Variants in GRID1 observed in about 807,000 individuals in gnomAD.
GRID1 encodes the protein glutamate ionotropic receptor delta type subunit 1, also known as glutamate receptor ionotropic, delta-1.
A neutral mutation model predicts 98.0 loss-of-function variants in GRID1; 28 were observed. The ratio of observed to expected loss-of-function variants is 0.29; its 90% CI spans 0.21 to 0.39. The LOEUF (loss-of-function observed/expected upper bound fraction) is 0.39, where lower values mean the gene tolerates loss of function less well. Among genes scored for constraint, GRID1 ranks in the 10% least tolerant of loss-of-function variants. GRID1 has a pLI of 1.00. For missense variants in GRID1, 1,111 were observed against 1,340.5 expected (o/e 0.83, Z 2.67); for synonymous variants, 553 against 538.5 (o/e 1.03, Z -0.37).
chr10:86,232,215 T>C (rs1846466673), intron 2 of GRID1, among the ~76,000 whole-genome samples: 1 of 152,150 alleles, frequency 6.6e-6, no homozygotes, highest in South Asian at 2.1e-4. Flanking sequence ...CCCAGGGGAA[T>C]AACGCAGCCG....
intron 3 of GRID1, among the ~76,000 whole-genome samples, chr10:86,172,562 C>T (rs999194540): frequency 6.6e-6 from 1 of 152,170 alleles, no homozygotes; most frequent in Non-Finnish European, 1.5e-5. Context: ...TGGTATGAAT[C>T]ATTTTCTAGC....
chr10:85,673,621 T>A (rs1252188890), intron 12 of GRID1, among the ~76,000 whole-genome samples: 1 of 152,220 alleles, frequency 6.6e-6, no homozygotes, highest in African/African-American at 2.4e-5. Flanking sequence ...AGGTGGGGGT[T>A]AGTACTTTTG....
chr10:86,337,881 T>C (rs1461558942), intron 2 of GRID1, among the ~76,000 whole-genome samples: 1 of 151,762 alleles, frequency 6.6e-6, no homozygotes, highest in Non-Finnish European at 1.5e-5. Flanking sequence ...CTAATTTTTG[T>C]ATTATTAGTA....
intron 12 of GRID1, among the ~76,000 whole-genome samples, chr10:85,713,130 C>T (rs1339643323): frequency 6.6e-6 from 1 of 151,154 alleles, no homozygotes; most frequent in East Asian, 1.9e-4. Flanking sequence ...CTAAGATTGG[C>T]TTTTTTGGAA....
intron 8 of GRID1, among the ~76,000 whole-genome samples, chr10:85,759,384 C>T (rs1243255066): frequency 6.6e-6 from 1 of 152,204 alleles, no homozygotes; most frequent in Admixed American, 6.5e-5. Flanking sequence ...TGCAGCTGCT[C>T]TTGGGAAAAG....
chr10:86,251,111 A>G (rs182385724), intron 2 of GRID1, among the ~76,000 whole-genome samples: 230 of 152,264 alleles, frequency 1.5e-3, no homozygotes, highest in African/African-American at 4.8e-3. Flanking sequence ...GGGCGGTGCA[A>G]GTTGTGCTTT....
chr10:85,607,609 A>C (rs2616673), intron 15 of GRID1, among the ~76,000 whole-genome samples: 134,745 of 152,038 alleles, frequency 0.89, 59,999 homozygotes, highest in African/African-American at 0.97. Context: ...TCAGTTCAAT[A>C]GCAGATGTTT....
intron 2 of GRID1, among the ~76,000 whole-genome samples, chr10:86,250,573 G>A (rs912237124): frequency 2.7e-4 from 41 of 152,094 alleles, no homozygotes; most frequent in Non-Finnish European, 3.7e-4. Context: ...GGCAGCCCCC[G>A]CCCGGCCAGC....
intron 2 of GRID1, among the ~76,000 whole-genome samples, chr10:86,305,775 T>C (rs933212992): frequency 3.3e-5 from 5 of 152,168 alleles, no homozygotes; most frequent in African/African-American, 1.2e-4. Flanking sequence ...CCTCTGGCCC[T>C]CTGGGGAGAA....
intron 2 of GRID1, among the ~76,000 whole-genome samples, chr10:86,349,940 G>A (rs927740530): frequency 3.9e-5 from 6 of 152,316 alleles, no homozygotes; most frequent in East Asian, 1.9e-4. Flanking sequence ...CGACGAGGAC[G>A]CCTACAAAGA....
At chr10:86,152,525 C>T (rs1475555633) in intron 3 of GRID1, among the ~76,000 whole-genome samples, 2 of 152,256 alleles carry the variant, frequency 1.3e-5, no homozygotes, top group African/African-American at 2.4e-5. Context: ...TGCTGCCTAG[C>T]TCTCAGGGAG....
chr10:86,080,207 AC>A (rs1330347199), intron 4 of GRID1, among the ~76,000 whole-genome samples: 1 of 151,386 alleles, frequency 6.6e-6, no homozygotes, highest in African/African-American at 2.4e-5. Context: ...GGTGGCACAC[AC>A]CTGTAATCCC....
intron 8 of GRID1, among the ~76,000 whole-genome samples, chr10:85,845,221 G>C (rs1440800625): frequency 1.3e-5 from 2 of 151,966 alleles, no homozygotes; most frequent in East Asian, 3.9e-4. Flanking sequence ...AATACAGTTA[G>C]TTCACTAGAA....
At chr10:85,660,616 C>T (rs998359559) in intron 12 of GRID1, among the ~76,000 whole-genome samples, 4 of 151,894 alleles carry the variant, frequency 2.6e-5, no homozygotes, top group African/African-American at 9.7e-5. Context: ...GGATCATGAG[C>T]AGAGCTGATC....
At chr10:85,895,016 A>AAAAATATATATAT (rs766551035) in intron 5 of GRID1, among the ~76,000 whole-genome samples, 6 of 97,106 alleles carry the variant, frequency 6.2e-5, no homozygotes, top group Admixed American at 1.1e-4. Flanking sequence ...AAAAAAAAAA[A>AAAAATATATATAT]ATATATATAT....
At chr10:85,906,228 C>T (rs942890974) in intron 5 of GRID1, among the ~76,000 whole-genome samples, 3 of 152,050 alleles carry the variant, frequency 2.0e-5, no homozygotes, top group Non-Finnish European at 4.4e-5. Context: ...ATTTATGCCC[C>T]TTGAAATAAA....
chr10:85,961,083 T>A (rs768358762), intron 4 of GRID1, among the ~76,000 whole-genome samples: 1 of 152,024 alleles, frequency 6.6e-6, no homozygotes, highest in Non-Finnish European at 1.5e-5. Context: ...CCCTGCCTTG[T>A]TGAATGGCAG....
intron 2 of GRID1, among the ~76,000 whole-genome samples, chr10:86,226,748 C>G (rs1002185605): frequency 2.7e-5 from 4 of 150,296 alleles, no homozygotes; most frequent in Non-Finnish European, 5.9e-5. Context: ...CTCACCCACT[C>G]CCTCCAGAAG....
At chr10:86,330,813 T>C (rs993408169) in intron 2 of GRID1, among the ~76,000 whole-genome samples, 1 of 152,200 alleles carries the variant, frequency 6.6e-6, no homozygotes, top group Non-Finnish European at 1.5e-5. Flanking sequence ...GGAAGCCCGC[T>C]GCACATGGGC....
Sources: gnomAD v4.1 joint callset for allele counts (sites outside exome capture counted in the v4.1 genomes callset) on GRCh38, gnomAD v4.1.1 for gene constraint, MANE v1.5 for transcripts, NCBI Gene and HGNC (gene_info 2026-07-23, HGNC 2026-07-21) for gene names.